The following ANXA8 variants were observed in gnomAD, a reference collection of about 807,000 sequenced individuals.
ANXA8 encodes annexin A8.
In ANXA8, 9 loss-of-function variants were observed where a neutral mutation model predicts 26.8. The observed-to-expected ratio is 0.34, with a 90% CI of 0.20 to 0.59. The LOEUF (loss-of-function observed/expected upper bound fraction) is 0.59. Ranked by LOEUF, ANXA8 falls within the 20% of genes least tolerant of loss-of-function variation. ANXA8 has a pLI of 0.84. For synonymous variants in ANXA8, 39 were observed against 94.8 expected, an observed-to-expected ratio of 0.41 and a Z score of 3.42; for missense variants, 83 against 238.5, an observed-to-expected ratio of 0.35 and a Z score of 4.29.
At chr10:47,724,836 C>T in the ANXA8 span, among the ~76,000 whole-genome samples, 1 of 138,450 alleles carries the variant, frequency 7.2e-6, no homozygotes, top group Non-Finnish European at 1.6e-5. Context: ...CAGTCACTCT[C>T]CATTCCCCAT....
At chr10:47,646,832 G>T in the ANXA8 span, among the ~76,000 whole-genome samples, 19 of 151,028 alleles carry the variant, frequency 1.3e-4, no homozygotes, top group East Asian at 5.9e-4. Flanking sequence ...ATTCTCTTCA[G>T]AAATAAAGAA....
the ANXA8 span, among the ~76,000 whole-genome samples, chr10:47,509,943 G>C: frequency 7.0e-6 from 1 of 142,172 alleles, no homozygotes; most frequent in African/African-American, 2.6e-5. Context: ...AAGGCATAAA[G>C]ACATCAAAAA....
the ANXA8 span, among the ~76,000 whole-genome samples, chr10:47,594,664 A>C: frequency 6.7e-6 from 1 of 148,830 alleles, no homozygotes. Context: ...AGAAGGAAAC[A>C]CTTCAAAGCT....
the ANXA8 span, among the ~76,000 whole-genome samples, chr10:47,982,801 CATAT>C: frequency 0.061 from 784 of 12,934 alleles, 51 homozygotes; most frequent in Middle Eastern, 0.15. Context: ...ATTTGCAAAT[CATAT>C]ATATATATAT....
chr10:47,675,990 G>GAAAGA, the ANXA8 span, among the ~76,000 whole-genome samples: 1 of 151,214 alleles, frequency 6.6e-6, no homozygotes, highest in Admixed American at 6.6e-5. Flanking sequence ...ACAAAAAAAG[G>GAAAGA]AAAGAAAAGA....
chr10:47,776,233 C>A, the ANXA8 span, among the ~76,000 whole-genome samples: 1 of 149,872 alleles, frequency 6.7e-6, no homozygotes, highest in Non-Finnish European at 1.5e-5. Context: ...CCCATTTTTT[C>A]CCCCAAACAA....
the ANXA8 span, among the ~76,000 whole-genome samples, chr10:47,554,052 G>T: frequency 6.7e-6 from 1 of 149,452 alleles, no homozygotes; most frequent in Non-Finnish European, 1.5e-5. Context: ...CAGGAGGATT[G>T]CTTGAGCCCA....
chr10:47,658,785 A>T, the ANXA8 span, among the ~76,000 whole-genome samples: 40 of 141,834 alleles, frequency 2.8e-4, no homozygotes, highest in African/African-American at 1.1e-3. Context: ...TGTAAAAGAG[A>T]TTACCAATAT....
chr10:47,967,703 TA>T, the ANXA8 span, among the ~76,000 whole-genome samples: 1 of 87,590 alleles, frequency 1.1e-5, no homozygotes, highest in Non-Finnish European at 2.5e-5. Flanking sequence ...CTTTCACTAC[TA>T]AAACTGCTCT....
At chr10:47,554,394 C>T in the ANXA8 span, among the ~76,000 whole-genome samples, 1 of 150,614 alleles carries the variant, frequency 6.6e-6, no homozygotes, top group Non-Finnish European at 1.5e-5. Flanking sequence ...GACAAACTGA[C>T]CCAGCCTAAA....
chr10:47,968,965 CAATTT>C, the ANXA8 span, among the ~76,000 whole-genome samples: 3 of 147,324 alleles, frequency 2.0e-5, no homozygotes, highest in Non-Finnish European at 4.5e-5. Context: ...AATCAATAAA[CAATTT>C]AATTCTCTTG....
chr10:47,535,547 C>A, the ANXA8 span, among the ~76,000 whole-genome samples: 2 of 144,748 alleles, frequency 1.4e-5, no homozygotes, highest in Non-Finnish European at 3.0e-5. Flanking sequence ...AAGGAGTTGG[C>A]AGTATGAAGT....
chr10:47,650,177 C>T, the ANXA8 span, among the ~76,000 whole-genome samples: 23 of 146,646 alleles, frequency 1.6e-4, no homozygotes, highest in Non-Finnish European at 2.7e-4. Flanking sequence ...CACTGCACCC[C>T]AGCCTGGTTG....
At chr10:47,763,523 G>A in the ANXA8 span, 2 of 682,944 alleles carry the variant, frequency 2.9e-6, no homozygotes, top group Non-Finnish European at 1.8e-6. Context: ...GGTGGTTATC[G>A]GATGGAGGCC....
the ANXA8 span, among the ~76,000 whole-genome samples, chr10:47,743,704 C>A: frequency 6.7e-6 from 1 of 149,486 alleles, no homozygotes; most frequent in Non-Finnish European, 1.5e-5. Context: ...GGGAGGCTGT[C>A]GCTCGGGTCC....
chr10:47,494,887 A>C, the ANXA8 span, among the ~76,000 whole-genome samples: 2 of 152,186 alleles, frequency 1.3e-5, no homozygotes, highest in African/African-American at 4.8e-5. Flanking sequence ...AATGTCCTGG[A>C]CCAGCAAGAG....
At chr10:47,769,680 TA>T in the ANXA8 span, among the ~76,000 whole-genome samples, 2,108 of 151,526 alleles carry the variant, frequency 0.014, no homozygotes, top group African/African-American at 0.049. Flanking sequence ...TTCACTTCCA[TA>T]AAAAAATCAG....
the ANXA8 span, among the ~76,000 whole-genome samples, chr10:47,667,846 T>C: frequency 6.6e-6 from 1 of 152,042 alleles, no homozygotes; most frequent in East Asian, 1.9e-4. Context: ...CAAGCCATTC[T>C]CATGCCTCAG....
At chr10:47,956,861 G>C in the ANXA8 span, among the ~76,000 whole-genome samples, 1 of 150,050 alleles carries the variant, frequency 6.7e-6, no homozygotes, top group African/African-American at 2.5e-5. Flanking sequence ...GCTCTGCTTC[G>C]AGTATAGCCT....
Sources: allele counts gnomAD v4.1 joint callset (sites outside exome capture counted in the v4.1 genomes callset), GRCh38; gene constraint gnomAD v4.1.1; transcripts MANE v1.5; gene names NCBI Gene and HGNC (gene_info 2026-07-23, HGNC 2026-07-21).